The following TRPS1 variants were observed in gnomAD, a reference collection of about 807,000 sequenced individuals.
The protein encoded by TRPS1 is transcriptional repressor GATA binding 1, also known as zinc finger transcription factor Trps1.
Under a neutral mutation model 101.2 loss-of-function variants are expected in TRPS1, and 6 were observed. That is an observed-to-expected ratio of 0.06 (90% CI 0.03 to 0.12). The LOEUF is 0.12. Ranked by LOEUF, TRPS1 falls within the 10% of genes least tolerant of loss-of-function variation. The pLI is 1.00. For missense variants in TRPS1, 1,363 were observed against 1,567.0 expected (o/e 0.87, Z 2.20); for synonymous variants, 578 against 589.8 (o/e 0.98, Z 0.29).
At chr8:115,623,085 T>C (rs1044042295) in intron 2 of TRPS1, among the ~76,000 whole-genome samples, 8 of 152,102 alleles carry the variant, frequency 5.3e-5, no homozygotes, top group Admixed American at 1.3e-4. Flanking sequence ...AAATATGACT[T>C]AATTAAATTA....
chr8:115,663,725 A>G, intron 1 of TRPS1, among the ~76,000 whole-genome samples: 1 of 150,090 alleles, frequency 6.7e-6, no homozygotes, highest in East Asian at 1.9e-4. Context: ...GAAAAGGAAA[A>G]AAAAAAAAAA....
intron 1 of TRPS1, among the ~76,000 whole-genome samples, chr8:115,647,078 C>T (rs1006406824): frequency 6.6e-6 from 1 of 152,044 alleles, no homozygotes; most frequent in Non-Finnish European, 1.5e-5. Context: ...AAAATGGCCA[C>T]CTCACATCCA....
At chr8:115,557,383 T>G (rs879412563) in intron 5 of TRPS1, among the ~76,000 whole-genome samples, 2 of 152,106 alleles carry the variant, frequency 1.3e-5, no homozygotes, top group Non-Finnish European at 2.9e-5. Context: ...TCTAAAAGCC[T>G]CTTAATACGG....
intron 1 of TRPS1, among the ~76,000 whole-genome samples, chr8:115,661,332 ATAGT>A (rs1261313107): frequency 1.3e-5 from 2 of 152,072 alleles, no homozygotes; most frequent in African/African-American, 4.8e-5. Flanking sequence ...CACAGAGTTA[ATAGT>A]TAGCATTCTA....
chr8:115,644,732 C>A, intron 1 of TRPS1, among the ~76,000 whole-genome samples: 1 of 152,164 alleles, frequency 6.6e-6, no homozygotes, highest in East Asian at 1.9e-4. Flanking sequence ...ATAATCATTT[C>A]TAGCTTTCAA....
rs1172205705 is a variant in TRPS1 at position 115,587,153 on chromosome 8, GGGC to G, written c.2545_2547del (p.Ala849del). 6.2e-7 allele frequency: 1 copy of G among 1,614,178 alleles called. No individual in the cohort carries two copies. Among genetic ancestry groups the G allele is most frequent in the Non-Finnish European group, 8.5e-7 (1 of 1,180,018 alleles). The stretch of plus-strand genomic sequence containing the variant: ...AAGCCATAAATAGGTCGCGCCAGAT[GGGC>G]GGCCTCCACATTGGGACTATCCCTT... On this transcript the variant is annotated inframe_deletion, in exon 5 of 7. Transcript: ENST00000395715.
chr8:115,565,805 A>G (rs1817054283), intron 5 of TRPS1, among the ~76,000 whole-genome samples: 1 of 152,126 alleles, frequency 6.6e-6, no homozygotes, highest in Non-Finnish European at 1.5e-5. Context: ...ATGCCAACTA[A>G]AATAAATATT....
chr8:115,536,130 A>C (rs1816313018), intron 5 of TRPS1, among the ~76,000 whole-genome samples: 1 of 152,188 alleles, frequency 6.6e-6, no homozygotes. Context: ...CTGTATACAA[A>C]TACGTAATAC....
At chr8:115,668,033 G>C in intron 1 of TRPS1, 1 of 838,626 alleles carries the variant, frequency 1.2e-6, no homozygotes, top group South Asian at 1.6e-5. Context: ...GAGACAGCGA[G>C]GGGGAGTGGG....
chr8:115,600,951 T>A (rs1817894197), intron 4 of TRPS1, among the ~76,000 whole-genome samples: 1 of 152,056 alleles, frequency 6.6e-6, no homozygotes, highest in Non-Finnish European at 1.5e-5. Flanking sequence ...ATACTAAACA[T>A]TAAGTGAATG....
intron 1 of TRPS1, among the ~76,000 whole-genome samples, chr8:115,634,274 C>A (rs1314106245): frequency 6.6e-6 from 1 of 152,098 alleles, no homozygotes. Context: ...TGGGTTTAAG[C>A]AAAGTAAGAA....
intron 5 of TRPS1, among the ~76,000 whole-genome samples, chr8:115,494,764 A>C (rs550951603): frequency 6.6e-6 from 1 of 152,338 alleles, no homozygotes; most frequent in South Asian, 2.1e-4. Flanking sequence ...ATTCTAATTA[A>C]AGAGAAAAAA....
intron 5 of TRPS1, among the ~76,000 whole-genome samples, chr8:115,445,920 T>C (rs1310527537): frequency 6.6e-6 from 1 of 152,202 alleles, no homozygotes; most frequent in Non-Finnish European, 1.5e-5. Context: ...TTTATAGAAG[T>C]ATACTTAAAT....
intron 5 of TRPS1, among the ~76,000 whole-genome samples, chr8:115,505,119 C>A (rs1815410231): frequency 6.6e-6 from 1 of 152,026 alleles, no homozygotes; most frequent in African/African-American, 2.4e-5. Context: ...CTGTAGAATT[C>A]TCTGAATGTT....
intron 1 of TRPS1, among the ~76,000 whole-genome samples, chr8:115,663,807 T>C (rs1230784546): frequency 3.3e-5 from 5 of 149,552 alleles, no homozygotes; most frequent in Non-Finnish European, 7.4e-5. Context: ...ACCAGTAGAG[T>C]TTCTTCACCT....
chr8:115,636,841 G>A (rs1031329226), intron 1 of TRPS1, among the ~76,000 whole-genome samples: 4 of 152,000 alleles, frequency 2.6e-5, no homozygotes, highest in Admixed American at 2.0e-4. Context: ...GAACCTGGGA[G>A]GTGGGGGTTA....
At chr8:115,450,900 G>A (rs973095179) in intron 5 of TRPS1, among the ~76,000 whole-genome samples, 3 of 152,014 alleles carry the variant, frequency 2.0e-5, no homozygotes, top group Admixed American at 6.6e-5. Flanking sequence ...AGACCATTAC[G>A]AAAACCCACA....
chr8:115,610,791 T>C (rs1280322782), intron 3 of TRPS1, among the ~76,000 whole-genome samples: 1 of 152,166 alleles, frequency 6.6e-6, no homozygotes, highest in African/African-American at 2.4e-5. Context: ...TATCTGGTAT[T>C]TCAGATGACA....
At chr8:115,599,607 C>T (rs1238352672) in intron 4 of TRPS1, among the ~76,000 whole-genome samples, 1 of 152,068 alleles carries the variant, frequency 6.6e-6, no homozygotes, top group African/African-American at 2.4e-5. Context: ...GTTTTCTGTT[C>T]CTGTGTTAGT....
Sources: gnomAD v4.1 joint callset for allele counts (sites outside exome capture counted in the v4.1 genomes callset) on GRCh38, gnomAD v4.1.1 for gene constraint, MANE v1.5 for transcripts, NCBI Gene and HGNC (gene_info 2026-07-23, HGNC 2026-07-21) for gene names.